TBC1D4: variants seen among roughly 807,000 people sequenced by gnomAD.
TBC1D4 encodes the protein TBC1 domain family member 4.
In TBC1D4, 121 loss-of-function variants were observed where a neutral mutation model predicts 142.5. The ratio of observed to expected loss-of-function variants is 0.85; its 90% CI spans 0.73 to 0.99. The LOEUF (loss-of-function observed/expected upper bound fraction) is 0.99. Among genes scored for constraint, TBC1D4 ranks in the 50% least tolerant of loss-of-function variants. TBC1D4 has a pLI of 0.00. For missense variants in TBC1D4, 1,475 were observed against 1,606.6 expected (o/e 0.92, Z 1.40); for synonymous variants, 630 against 628.2 (o/e 1.00, Z -0.04).
chr13:75,412,475 T>G (rs1026006668), intron 1 of TBC1D4, among the ~76,000 whole-genome samples: 2 of 152,046 alleles, frequency 1.3e-5, no homozygotes, highest in Non-Finnish European at 2.9e-5. Flanking sequence ...TTTTTTTTAT[T>G]TTTTATTTTT....
At chr13:75,388,809 G>T (rs55764131) in intron 1 of TBC1D4, among the ~76,000 whole-genome samples, 1 of 152,176 alleles carries the variant, frequency 6.6e-6, no homozygotes, top group Non-Finnish European at 1.5e-5. Context: ...CAGTAATAAA[G>T]TATGACAACA....
chr13:75,372,686 T>C (rs1883287345), intron 1 of TBC1D4, among the ~76,000 whole-genome samples: 1 of 152,134 alleles, frequency 6.6e-6, no homozygotes, highest in African/African-American at 2.4e-5. Flanking sequence ...TTTTTAAAGG[T>C]TCTCACAATA....
chr13:75,343,767 C>T (rs531965976), intron 5 of TBC1D4, among the ~76,000 whole-genome samples: 141 of 152,234 alleles, frequency 9.3e-4, no homozygotes, highest in African/African-American at 3.2e-3. Context: ...CTGCCCACCT[C>T]GGCCTCCCAA....
At chr13:75,424,836 A>T (rs1886316042) in intron 1 of TBC1D4, among the ~76,000 whole-genome samples, 1 of 152,232 alleles carries the variant, frequency 6.6e-6, no homozygotes, top group Non-Finnish European at 1.5e-5. Flanking sequence ...TTAGACCCTT[A>T]TCTCGCACCA....
rs1326602545 is a variant in TBC1D4, at chr13:75,294,944, T to G, written c.3226A>C (p.Asn1076His). 1 of 1,613,996 alleles carries G rather than the reference T, an allele frequency of 6.2e-7. No individual in the cohort carries two copies. Among genetic ancestry groups the G allele is most frequent in the African/African-American group, 1.3e-5 (1 of 75,050 alleles). The part of the protein sequence containing the change: ...HRDLYNHLEE[N>H]EISPSLYAAP... ...GCATAAAGACTGGGGCTGATTTCAT[T>G]TTCTTCAAGGTGATTGTAGAGATCT... The change falls in exon 18 of 21, where the codon AAT (asparagine) becomes CAT (histidine). Residue 1076 changes from asparagine (N) to histidine (H), a missense_variant. By Grantham distance (68) the Asn-to-His change is moderately conservative. Transcript: ENST00000377636.
chr13:75,419,597 A>T (rs1221187052), intron 1 of TBC1D4, among the ~76,000 whole-genome samples: 2 of 152,236 alleles, frequency 1.3e-5, no homozygotes, highest in Non-Finnish European at 2.9e-5. Flanking sequence ...ACAGCAGGAA[A>T]TGAATGAGAA....
intron 5 of TBC1D4, among the ~76,000 whole-genome samples, chr13:75,346,065 G>A (rs1349715047): frequency 6.6e-6 from 1 of 152,178 alleles, no homozygotes; most frequent in East Asian, 1.9e-4. Flanking sequence ...AATTTAAGGA[G>A]GAAAATATTA....
chr13:75,364,026 T>C (rs771719253), intron 1 of TBC1D4, among the ~76,000 whole-genome samples: 18 of 152,224 alleles, frequency 1.2e-4, no homozygotes, highest in Admixed American at 9.1e-4. Flanking sequence ...CATCAATCAG[T>C]ATATGTAAGA....
At chr13:75,320,117 A>G in intron 11 of TBC1D4, 80 bp from the exon 12 acceptor site, 1 of 1,485,442 alleles carries the variant, frequency 6.7e-7, no homozygotes, top group African/African-American at 1.4e-5. Flanking sequence ...AAGGCATTCC[A>G]ATAAGTCATC....
intron 1 of TBC1D4, among the ~76,000 whole-genome samples, chr13:75,412,506 A>G (rs1885721693): frequency 6.6e-6 from 1 of 151,972 alleles, no homozygotes. Flanking sequence ...AGGTCTCACT[A>G]TGTTGCAAGG....
intron 1 of TBC1D4, among the ~76,000 whole-genome samples, chr13:75,468,729 C>G (rs556465054): frequency 1.3e-5 from 2 of 152,238 alleles, no homozygotes; most frequent in South Asian, 4.2e-4. Context: ...CATATGAAAA[C>G]AAACATACAT....
chr13:75,392,174 T>C (rs947694134), intron 1 of TBC1D4, among the ~76,000 whole-genome samples: 1 of 152,200 alleles, frequency 6.6e-6, no homozygotes, highest in African/African-American at 2.4e-5. Flanking sequence ...ATTTGCTGAA[T>C]AATTAAACAT....
intron 1 of TBC1D4, among the ~76,000 whole-genome samples, chr13:75,440,509 T>A (rs1886992481): frequency 6.6e-6 from 1 of 151,994 alleles, no homozygotes; most frequent in Admixed American, 6.6e-5. Context: ...GGGAACCAAT[T>A]GTTAAGGGCC....
intron 5 of TBC1D4, among the ~76,000 whole-genome samples, chr13:75,344,122 T>G (rs1318819800): frequency 6.6e-6 from 1 of 152,212 alleles, no homozygotes; most frequent in East Asian, 1.9e-4. Flanking sequence ...GTGCTGGGAT[T>G]ACAGGCGTTA....
At chr13:75,288,640 C>T (rs1874936098) in intron 20 of TBC1D4, among the ~76,000 whole-genome samples, 2 of 152,138 alleles carry the variant, frequency 1.3e-5, no homozygotes, top group African/African-American at 2.4e-5. Context: ...CATCAATTTC[C>T]TACATTCAAT....
chr13:75,387,376 T>A (rs960877175), intron 1 of TBC1D4, among the ~76,000 whole-genome samples: 1 of 152,192 alleles, frequency 6.6e-6, no homozygotes, highest in African/African-American at 2.4e-5. Context: ...TCCTTAGAGG[T>A]TTGTGGCAAT....
At chr13:75,460,726 GC>G (rs1176721450) in intron 1 of TBC1D4, among the ~76,000 whole-genome samples, 6 of 151,986 alleles carry the variant, frequency 3.9e-5, no homozygotes, top group Non-Finnish European at 7.4e-5. Context: ...TTCAACACTG[GC>G]CTGGGCAACA....
rs971835435 is a variant in TBC1D4, at chr13:75,392,624, G to A, written c.499-30017C>T. On this transcript the variant is annotated intron_variant, in intron 1 of 20. Transcript: ENST00000377636. The stretch of plus-strand genomic sequence containing the variant: ...CCCCTTCTTCCCCCTCCTCCTCCTC[G>A]TCCTACTTCTTCACCTTCTTCTTTT... 1.2e-4 allele frequency among the ~76,000 whole-genome samples: 14 copies of A among 118,120 alleles called. No homozygotes were observed. In the East Asian group the frequency reaches 1.5e-3, roughly 12 times the overall value. 77.5% of individuals were successfully genotyped at this position (118,120 alleles called of 152,430 possible).
At position 75,341,158 on chromosome 13, in the gene TBC1D4, C is replaced by T. The variant is rs1430016951; in HGVS notation, c.1578G>A (p.Gln526=). 2.5e-6 allele frequency: 4 copies of T among 1,613,548 alleles called. No individual in the cohort carries two copies. The highest frequency in any genetic ancestry group is 1.7e-5 in the Admixed American group (1 of 59,936). The change falls in exon 7 of 21, where the codon CAG becomes CAA. Residue 526 remains glutamine, a synonymous_variant. Transcript: ENST00000377636. Reference sequence around the variant, plus strand: ...CTTCCCCGATGTGCACGTGTGTCTTCTGCTTGGCTTCACACAGCTGCCTCA... The same window carrying T: ...CTTCCCCGATGTGCACGTGTGTCTTTTGCTTGGCTTCACACAGCTGCCTCA... The part of the protein sequence containing the change: ...LHLRQLCEAK[Q]KTHVHIGEGP...
Sources: gnomAD v4.1 joint callset for allele counts (sites outside exome capture counted in the v4.1 genomes callset) on GRCh38, gnomAD v4.1.1 for gene constraint, MANE v1.5 for transcripts, NCBI Gene and HGNC (gene_info 2026-07-23, HGNC 2026-07-21) for gene names.